Variants in ARPC2 observed in about 807,000 individuals in gnomAD.
ARPC2 encodes the protein actin-related protein 2/3 complex subunit 2.
In ARPC2, 4 loss-of-function variants were observed where a neutral mutation model predicts 38.6. The observed-to-expected ratio is 0.10, with a 90% CI of 0.05 to 0.24. The LOEUF is 0.24. Ranked by LOEUF, ARPC2 falls within the 10% of genes least tolerant of loss-of-function variation. The pLI is 1.00. For missense variants in ARPC2, 229 were observed against 387.3 expected (o/e 0.59, Z 3.43); for synonymous variants, 125 against 140.8 (o/e 0.89, Z 0.79).
In ARPC2 at chr2:218,239,236, C is replaced by T. The variant is rs973746111; in HGVS notation, c.456-155C>T. On this transcript the variant is annotated intron_variant, in intron 6 of 10. Transcript: ENST00000315717. ...TTAGGGCATTCATTTTGTGCACTGA[C>T]TTTGTTGACCATAAATATCATCTCA... The T allele has an allele frequency of 9.7e-6, 6 of 618,184 alleles. No homozygotes were observed. The African/African-American group carries it at 1.1e-4, about 11-fold the overall frequency. The allele number at this position is 618,184 out of a possible 1,614,324, so 38.3% of individuals were successfully genotyped here.
intron 9 of ARPC2, 73 bp downstream of exon 9, chr2:218,249,537 C>A: frequency 2.5e-6 from 3 of 1,204,508 alleles, no homozygotes; most frequent in South Asian, 2.7e-5. Flanking sequence ...GACAGAAAGT[C>A]ATTCCATTAG....
chr2:218,253,062 G>A (rs1690231993), intron 10 of ARPC2: 1 of 449,196 alleles, frequency 2.2e-6, no homozygotes, highest in Non-Finnish European at 4.5e-6. Flanking sequence ...CTCAGCTGTG[G>A]GCAGAAGCCA....
intron 4 of ARPC2, 21 bp downstream of exon 4, chr2:218,228,871 C>T (rs542691613): frequency 3.4e-5 from 49 of 1,446,470 alleles, no homozygotes; most frequent in Non-Finnish European, 4.3e-5. Flanking sequence ...CATCATTTTC[C>T]TTGGGACTCT....
chr2:218,217,979 G>A (rs1689294935), intron 2 of ARPC2, among the ~76,000 whole-genome samples: 1 of 152,186 alleles, frequency 6.6e-6, no homozygotes, highest in Non-Finnish European at 1.5e-5. Flanking sequence ...CTGGAGGAGG[G>A]AAGGAGATGC....
At chr2:218,220,267 C>G (rs918139368) in intron 2 of ARPC2, among the ~76,000 whole-genome samples, 2 of 152,124 alleles carry the variant, frequency 1.3e-5, no homozygotes, top group Non-Finnish European at 2.9e-5. Context: ...CAGAATAAAC[C>G]GATGGGGGAA....
At chr2:218,248,045 G>A (rs1413179515) in intron 8 of ARPC2, among the ~76,000 whole-genome samples, 1 of 151,534 alleles carries the variant, frequency 6.6e-6, no homozygotes, top group Admixed American at 6.6e-5. Context: ...CTCCCAAAGT[G>A]CTGGGATTAC....
At chr2:218,250,067 G>C (rs543985347) in intron 10 of ARPC2, 146 bp downstream of exon 10, 1 of 661,094 alleles carries the variant, frequency 1.5e-6, no homozygotes, top group Admixed American at 2.9e-5. Context: ...CCAAAGGTGG[G>C]ATTCCATGTT....
At chr2:218,247,669 C>T (rs1159874631) in intron 8 of ARPC2, among the ~76,000 whole-genome samples, 1 of 152,010 alleles carries the variant, frequency 6.6e-6, no homozygotes, top group Non-Finnish European at 1.5e-5. Flanking sequence ...TCCAGCTGGG[C>T]ACGGTGGCTC....
chr2:218,245,209 T>A (rs1690003241), intron 7 of ARPC2, among the ~76,000 whole-genome samples: 1 of 152,238 alleles, frequency 6.6e-6, no homozygotes, highest in Admixed American at 6.5e-5. Flanking sequence ...TCTGACTTAT[T>A]AAGTACTTTG....
intron 8 of ARPC2, 28 bp downstream of exon 8, chr2:218,245,574 T>C (rs888756909): frequency 1.2e-6 from 2 of 1,613,396 alleles, no homozygotes; most frequent in African/African-American, 2.7e-5. Flanking sequence ...GCTGCTTTTG[T>C]GCCGCTTTAA....
At chr2:218,229,121 G>A in intron 4 of ARPC2, 1 of 228,476 alleles carries the variant, frequency 4.4e-6, no homozygotes, top group Non-Finnish European at 8.7e-6. Context: ...TACAAAAATA[G>A]CTGTTGCAAG....
chr2:218,234,202 C>G, intron 4 of ARPC2, 150 bp from the exon 5 acceptor site: 1 of 572,842 alleles, frequency 1.7e-6, no homozygotes, highest in Non-Finnish European at 3.0e-6. Context: ...AATCCACTTC[C>G]CCTCTGTCTC....
intron 5 of ARPC2, chr2:218,235,412 G>C (rs998964853): frequency 6.6e-6 from 1 of 152,436 alleles, no homozygotes; most frequent in Non-Finnish European, 1.5e-5. Context: ...AGAGTAAGGA[G>C]GTCTCAAACT....
chr2:218,253,787 CCT>C (rs1690250361), intron 10 of ARPC2, 102 bp from the exon 11 acceptor site: 2 of 1,376,138 alleles, frequency 1.5e-6, no homozygotes, highest in Non-Finnish European at 9.9e-7. Flanking sequence ...GCCCTTTCCA[CCT>C]CTCATTTGGT....
chr2:218,217,680 G>C, intron 2 of ARPC2, 136 bp downstream of exon 2: 1 of 951,366 alleles, frequency 1.1e-6, no homozygotes, highest in Non-Finnish European at 1.6e-6. Flanking sequence ...CCCCAGCGGG[G>C]TAGACGTGGG....
chr2:218,249,074 C>T (rs1316109102), intron 8 of ARPC2, among the ~76,000 whole-genome samples: 2 of 152,094 alleles, frequency 1.3e-5, no homozygotes, highest in Admixed American at 6.6e-5. Context: ...TGTGGCAGAC[C>T]GGAAATAGAT....
chr2:218,221,555 G>A (rs1021341845), intron 2 of ARPC2, among the ~76,000 whole-genome samples: 14 of 152,224 alleles, frequency 9.2e-5, no homozygotes, highest in African/African-American at 3.1e-4. Flanking sequence ...AAGCCCCAGA[G>A]CTGTGCTGGA....
chr2:218,232,240 C>CA (rs61338930), intron 4 of ARPC2, among the ~76,000 whole-genome samples: 33 of 149,516 alleles, frequency 2.2e-4, no homozygotes, highest in African/African-American at 7.8e-4. Flanking sequence ...GACTCCGTCT[C>CA]AAAAAAAAAG....
chr2:218,249,547 G>A, intron 9 of ARPC2, 83 bp downstream of exon 9: 1 of 1,090,318 alleles, frequency 9.2e-7, no homozygotes, highest in Non-Finnish European at 1.3e-6. Context: ...CATTCCATTA[G>A]TCTACGCTGT....
Sources: allele counts gnomAD v4.1 joint callset (sites outside exome capture counted in the v4.1 genomes callset), GRCh38; gene constraint gnomAD v4.1.1; transcripts MANE v1.5; gene names NCBI Gene and HGNC (gene_info 2026-07-23, HGNC 2026-07-21).